DPP10: variants seen among roughly 807,000 people sequenced by gnomAD.
DPP10 encodes the protein dipeptidyl peptidase like 10.
In DPP10, 33 loss-of-function variants were observed where a neutral mutation model predicts 120.9. The ratio of observed to expected loss-of-function variants is 0.27; its 90% CI spans 0.21 to 0.37. The LOEUF (loss-of-function observed/expected upper bound fraction) is 0.37, where lower values mean the gene tolerates loss of function less well. DPP10 is among the 10% of genes least tolerant of loss of function. The pLI is 1.00. For synonymous variants in DPP10, 337 were observed against 326.1 expected, an observed-to-expected ratio of 1.03 and a Z score of -0.36; for missense variants, 816 against 942.8, an observed-to-expected ratio of 0.87 and a Z score of 1.76.
At chr2:114,809,870 A>G (rs911463518) in intron 1 of DPP10, among the ~76,000 whole-genome samples, 3 of 152,214 alleles carry the variant, frequency 2.0e-5, no homozygotes, top group African/African-American at 4.8e-5. Context: ...AAACACTGCT[A>G]TAAGACGAGC....
At chr2:114,866,850 C>T (rs1166745533) in intron 1 of DPP10, among the ~76,000 whole-genome samples, 1 of 152,200 alleles carries the variant, frequency 6.6e-6, no homozygotes, top group East Asian at 1.9e-4. Context: ...GCCTGGAGAA[C>T]CCCCTCAAGT....
At chr2:114,771,362 G>A (rs1029424196) in intron 1 of DPP10, among the ~76,000 whole-genome samples, 1 of 152,232 alleles carries the variant, frequency 6.6e-6, no homozygotes, top group Non-Finnish European at 1.5e-5. Context: ...TCCTCACCTG[G>A]ACTGCTCTCA....
At chr2:115,836,455 C>G (rs1156432853) in intron 22 of DPP10, 52 bp from the exon 23 acceptor site, 2 of 1,566,988 alleles carry the variant, frequency 1.3e-6, no homozygotes, top group African/African-American at 2.8e-5. Flanking sequence ...TGAAATATGC[C>G]AGTCAAATAG....
chr2:115,773,222 A>G (rs1249259846), intron 13 of DPP10, among the ~76,000 whole-genome samples: 1 of 152,188 alleles, frequency 6.6e-6, no homozygotes, highest in African/African-American at 2.4e-5. Context: ...TTTAGAAACT[A>G]TAAAAGTGAA....
chr2:114,450,302 T>C (rs949397502), intron 1 of DPP10, among the ~76,000 whole-genome samples: 7 of 152,294 alleles, frequency 4.6e-5, no homozygotes, highest in Admixed American at 2.6e-4. Context: ...CAGACTGTTA[T>C]GTTCTTACCT....
chr2:114,594,898 A>T (rs553746584), intron 1 of DPP10, among the ~76,000 whole-genome samples: 21 of 151,624 alleles, frequency 1.4e-4, no homozygotes, highest in African/African-American at 4.1e-4. Context: ...TCTTTCTCTC[A>T]TGTTCCTTCC....
chr2:115,253,566 C>A (rs570472207), intron 1 of DPP10, among the ~76,000 whole-genome samples: 1 of 152,286 alleles, frequency 6.6e-6, no homozygotes, highest in South Asian at 2.1e-4. Context: ...ATAAACATTT[C>A]TGCTCCAAAA....
At chr2:114,894,996 C>T (rs1692847551) in intron 1 of DPP10, among the ~76,000 whole-genome samples, 1 of 152,094 alleles carries the variant, frequency 6.6e-6, no homozygotes, top group Non-Finnish European at 1.5e-5. Flanking sequence ...GACAGTTAGG[C>T]AAACTACTTA....
At chr2:114,890,945 G>A (rs141726757) in intron 1 of DPP10, among the ~76,000 whole-genome samples, 4,003 of 151,732 alleles carry the variant, frequency 0.026, 170 homozygotes, top group African/African-American at 0.092. Context: ...GTACAATATA[G>A]CCAAATGCTG....
At chr2:115,495,169 A>T (rs187738313) in intron 3 of DPP10, among the ~76,000 whole-genome samples, 206 of 152,172 alleles carry the variant, frequency 1.4e-3, no homozygotes, top group Non-Finnish European at 2.6e-3. Context: ...ATAGGGTTGG[A>T]AATCTAGGTT....
At chr2:114,464,621 T>C (rs1175345682) in intron 1 of DPP10, among the ~76,000 whole-genome samples, 1 of 152,206 alleles carries the variant, frequency 6.6e-6, no homozygotes, top group African/African-American at 2.4e-5. Context: ...TTCTATCCTC[T>C]TTTTGTCCAT....
intron 10 of DPP10, among the ~76,000 whole-genome samples, chr2:115,750,396 A>G (rs1418804781): frequency 6.6e-6 from 1 of 152,194 alleles, no homozygotes; most frequent in African/African-American, 2.4e-5. Flanking sequence ...CATTTTGGCT[A>G]TCTCCAACAC....
intron 2 of DPP10, among the ~76,000 whole-genome samples, chr2:115,329,361 A>G (rs2062564877): frequency 1.3e-5 from 2 of 152,092 alleles, no homozygotes; most frequent in South Asian, 2.1e-4. Context: ...GACCCAGGAA[A>G]CAAATTAAAT....
intron 11 of DPP10, among the ~76,000 whole-genome samples, chr2:115,756,776 A>G (rs1355601388): frequency 1.3e-5 from 2 of 152,076 alleles, no homozygotes; most frequent in African/African-American, 2.4e-5. Context: ...ACAGAAACTT[A>G]TTGACTCACA....
intron 1 of DPP10, among the ~76,000 whole-genome samples, chr2:115,091,283 A>G (rs1417333548): frequency 2.0e-5 from 3 of 152,118 alleles, no homozygotes; most frequent in Non-Finnish European, 4.4e-5. Flanking sequence ...CCACTTTCAC[A>G]CTTCTAAACT....
chr2:114,651,776 G>C lies in DPP10; in HGVS notation c.60+208938G>C, dbSNP rs1696603588. 2.0e-5 allele frequency among the ~76,000 whole-genome samples: 3 copies of C among 152,120 alleles called. No homozygotes were observed. In the South Asian group the frequency reaches 6.2e-4, roughly 31 times the overall value. ...GTTAGGAGATTTTAATATGCAGCTA[G>C]TGTTGAAAATCACTGTTCATACAAA... On this transcript the variant is annotated intron_variant, in intron 1 of 25. Transcript: ENST00000410059.
intron 5 of DPP10, among the ~76,000 whole-genome samples, chr2:115,647,880 A>T (rs1388606793): frequency 6.6e-6 from 1 of 152,190 alleles, no homozygotes; most frequent in Admixed American, 6.6e-5. Flanking sequence ...TCTTAATGCT[A>T]CCGCATTGAA....
chr2:114,818,471 T>C (rs891615415), intron 1 of DPP10, among the ~76,000 whole-genome samples: 2 of 152,204 alleles, frequency 1.3e-5, no homozygotes, highest in Non-Finnish European at 2.9e-5. Context: ...GTCCACCAAG[T>C]GGCTGCACGA....
intron 3 of DPP10, among the ~76,000 whole-genome samples, chr2:115,492,360 G>T (rs2076171442): frequency 6.6e-6 from 1 of 152,128 alleles, no homozygotes; most frequent in Non-Finnish European, 1.5e-5. Context: ...AAGTTTTGGG[G>T]GTATGTAGTT....
Sources: gnomAD v4.1 joint callset for allele counts (sites outside exome capture counted in the v4.1 genomes callset) on GRCh38, gnomAD v4.1.1 for gene constraint, MANE v1.5 for transcripts, NCBI Gene and HGNC (gene_info 2026-07-23, HGNC 2026-07-21) for gene names.